RELN: variants seen among roughly 807,000 people sequenced by gnomAD.
RELN encodes reelin.
RELN carries 108 observed loss-of-function variants against 427.6 expected under a neutral mutation model. That is an observed-to-expected ratio of 0.25 (90% CI 0.22 to 0.30). The LOEUF (loss-of-function observed/expected upper bound fraction) is 0.30, where lower values mean the gene tolerates loss of function less well. Among genes scored for constraint, RELN ranks in the 10% least tolerant of loss-of-function variants. RELN has a pLI of 1.00. For missense variants in RELN, 3,715 were observed against 4,302.8 expected, an observed-to-expected ratio of 0.86 and a Z score of 3.82; for synonymous variants, 1,524 against 1,513.4, an observed-to-expected ratio of 1.01 and a Z score of -0.16.
At chr7:103,508,896 A>C (rs1410104688) in intron 51 of RELN, among the ~76,000 whole-genome samples, 1 of 152,242 alleles carries the variant, frequency 6.6e-6, no homozygotes, top group East Asian at 1.9e-4. Context: ...TCCCATTCAC[A>C]ATTGCTACAA....
chr7:103,816,106 C>T (rs1052743432), intron 3 of RELN, among the ~76,000 whole-genome samples: 3 of 152,054 alleles, frequency 2.0e-5, no homozygotes, highest in African/African-American at 7.2e-5. Context: ...TGGCCAGGTG[C>T]CATGGCTCAT....
At chr7:103,724,906 T>C (rs1182385364) in intron 7 of RELN, among the ~76,000 whole-genome samples, 1 of 151,878 alleles carries the variant, frequency 6.6e-6, no homozygotes, top group Non-Finnish European at 1.5e-5. Flanking sequence ...AAATTATACC[T>C]ATATTTATAA....
intron 2 of RELN, among the ~76,000 whole-genome samples, chr7:103,862,791 C>T (rs979677421): frequency 6.6e-6 from 1 of 152,092 alleles, no homozygotes; most frequent in Admixed American, 6.6e-5. Context: ...ACACTGTCTT[C>T]CAGCAGTTGG....
chr7:103,926,494 A>AGAGTGACCTTGATAATACTCGTGCGTATG (rs1403542193), intron 1 of RELN, among the ~76,000 whole-genome samples: 6 of 151,594 alleles, frequency 4.0e-5, no homozygotes, highest in African/African-American at 1.4e-4. Context: ...GAACATGCCA[A>AGAGTGACCTTGATAATACTCGTGCGTATG]GAGTGACCTT....
intron 64 of RELN, 120 bp downstream of exon 64, chr7:103,478,269 T>C (rs1008668136): frequency 3.2e-6 from 2 of 628,324 alleles, no homozygotes; most frequent in Non-Finnish European, 2.8e-6. Flanking sequence ...TATTACTGTT[T>C]TCATAGATTT....
chr7:103,922,994 A>G (rs1413034724), intron 1 of RELN, among the ~76,000 whole-genome samples: 1 of 152,198 alleles, frequency 6.6e-6, no homozygotes, highest in African/African-American at 2.4e-5. Context: ...TAGGTACATA[A>G]GCATTAGTGA....
intron 46 of RELN, among the ~76,000 whole-genome samples, chr7:103,533,013 T>C (rs1446600982): frequency 6.6e-6 from 1 of 152,216 alleles, no homozygotes; most frequent in African/African-American, 2.4e-5. Context: ...TTAAAAATAT[T>C]TGTTTAATGA....
intron 6 of RELN, among the ~76,000 whole-genome samples, chr7:103,740,839 T>A (rs1037100393): frequency 6.6e-6 from 1 of 152,196 alleles, no homozygotes; most frequent in Non-Finnish European, 1.5e-5. Context: ...AGTAAATAAT[T>A]CACATAAAGC....
At chr7:103,545,517 G>C (rs1047378371) in intron 41 of RELN, among the ~76,000 whole-genome samples, 173 bp from the exon 42 acceptor site, 12 of 152,170 alleles carry the variant, frequency 7.9e-5, no homozygotes, top group African/African-American at 2.2e-4. Flanking sequence ...CCAGGATTTT[G>C]CCAATAAAGT....
At chr7:103,667,275 T>C (rs1490237075) in intron 11 of RELN, among the ~76,000 whole-genome samples, 1 of 152,218 alleles carries the variant, frequency 6.6e-6, no homozygotes, top group Non-Finnish European at 1.5e-5. Context: ...CTCATTTAAT[T>C]ATGTCATCAG....
chr7:103,592,217 T>C (rs1436022867), intron 27 of RELN, among the ~76,000 whole-genome samples: 1 of 147,036 alleles, frequency 6.8e-6, no homozygotes, highest in African/African-American at 2.5e-5. Context: ...TAGGCCCCAG[T>C]GTCTGCTGTT....
chr7:103,719,037 G>T (rs1790009606), intron 8 of RELN, among the ~76,000 whole-genome samples: 1 of 151,996 alleles, frequency 6.6e-6, no homozygotes, highest in Non-Finnish European at 1.5e-5. Flanking sequence ...GAGAGAAAGA[G>T]GTTCTTTTGC....
chr7:103,623,771 G>C (rs1319770352), intron 20 of RELN, among the ~76,000 whole-genome samples: 2 of 152,178 alleles, frequency 1.3e-5, no homozygotes, highest in Non-Finnish European at 2.9e-5. Flanking sequence ...TGCTAACTGT[G>C]TGCAGATCCT....
In RELN at chr7:103,515,422, G is replaced by T; in HGVS notation, c.7882C>A (p.Pro2628Thr). Residue 2628 changes from proline (P) to threonine (T), a missense_variant, in exon 50 of 65, where the codon CCT (proline) becomes ACT (threonine). By Grantham distance (38) the Pro-to-Thr change is conservative. This residue lies in a region of RELN where 1,310 missense variants were observed against 1,643.0 expected (regional missense o/e 0.80). Coordinates refer to ENST00000428762, the MANE Select transcript of RELN (RefSeq NM_005045.4). ...GTGGCAATCTCTTTAGCATCAGGAGGGAGAAGGATATTCACAAATCTATAG... is the reference window on the plus strand; with the variant it reads ...GTGGCAATCTCTTTAGCATCAGGAGTGAGAAGGATATTCACAAATCTATAG... Reference protein sequence around the residue: ...SKPGFVNILLPPDAKEIATRF... With the variant: ...SKPGFVNILLTPDAKEIATRF... 6.2e-7 allele frequency: 1 copy of T among 1,614,108 alleles called. No homozygotes were observed. The highest frequency in any genetic ancestry group is 1.1e-5 in the South Asian group (1 of 91,080).
chr7:103,774,344 G>A (rs1791683956), intron 4 of RELN, among the ~76,000 whole-genome samples: 1 of 151,168 alleles, frequency 6.6e-6, no homozygotes, highest in African/African-American at 2.4e-5. Context: ...TATAAGAAAA[G>A]GGATTAAGAT....
At chr7:103,910,097 G>C (rs1295584193) in intron 2 of RELN, among the ~76,000 whole-genome samples, 1 of 124,040 alleles carries the variant, frequency 8.1e-6, no homozygotes, top group African/African-American at 3.2e-5. Flanking sequence ...TTGAGCAGTG[G>C]TTTGTAGTTC....
intron 7 of RELN, among the ~76,000 whole-genome samples, chr7:103,724,392 T>A (rs990321701): frequency 1.3e-5 from 2 of 152,122 alleles, no homozygotes; most frequent in African/African-American, 4.8e-5. Flanking sequence ...TCAGTTGGGA[T>A]GTGAATATTA....
At chr7:103,785,945 T>C (rs1792003929) in intron 3 of RELN, among the ~76,000 whole-genome samples, 1 of 151,908 alleles carries the variant, frequency 6.6e-6, no homozygotes, top group Admixed American at 6.6e-5. Context: ...AAACTCCATT[T>C]TTTTTTTTGA....
chr7:103,608,626 G>A (rs1831874178), intron 22 of RELN, among the ~76,000 whole-genome samples: 1 of 152,056 alleles, frequency 6.6e-6, no homozygotes, highest in Non-Finnish European at 1.5e-5. Flanking sequence ...ATTCCCCAAT[G>A]TCCAATAAGC....
Sources: allele counts gnomAD v4.1 joint callset (sites outside exome capture counted in the v4.1 genomes callset), GRCh38; gene constraint gnomAD v4.1.1; regional missense constraint gnomAD v4.1.1; transcripts MANE v1.5; gene names NCBI Gene and HGNC (gene_info 2026-07-23, HGNC 2026-07-21).